SLC44A1: variants seen among roughly 807,000 people sequenced by gnomAD.
The protein encoded by SLC44A1 is choline transporter-like protein 1.
SLC44A1 carries 26 observed loss-of-function variants against 79.3 expected under a neutral mutation model. The observed-to-expected ratio is 0.33, with a 90% CI of 0.24 to 0.46. The LOEUF (loss-of-function observed/expected upper bound fraction) is 0.46. Ranked by LOEUF, SLC44A1 falls within the 20% of genes least tolerant of loss-of-function variation. The pLI, the probability that SLC44A1 is intolerant of heterozygous loss-of-function variation, is 1.00. For missense variants in SLC44A1, 688 were observed against 798.1 expected (o/e 0.86, Z 1.66); for synonymous variants, 263 against 286.2 (o/e 0.92, Z 0.82).
At chr9:105,419,693 T>A (rs1829218391) in intron 15 of SLC44A1, among the ~76,000 whole-genome samples, 1 of 152,118 alleles carries the variant, frequency 6.6e-6, no homozygotes, top group East Asian at 1.9e-4. Context: ...GGTGGGTGGA[T>A]CACCTGAGGT....
intron 1 of SLC44A1, among the ~76,000 whole-genome samples, chr9:105,281,638 C>G (rs1259690403): frequency 6.6e-6 from 1 of 152,088 alleles, no homozygotes; most frequent in South Asian, 2.1e-4. Context: ...TGACATAGGG[C>G]TTCCATCAGG....
chr9:105,414,438 C>T (rs1176199398), intron 15 of SLC44A1, among the ~76,000 whole-genome samples: 1 of 152,184 alleles, frequency 6.6e-6, no homozygotes, highest in Non-Finnish European at 1.5e-5. Context: ...TCCCTCAGCA[C>T]CCCCTGGGTA....
At chr9:105,270,493 C>T (rs555878522) in intron 1 of SLC44A1, among the ~76,000 whole-genome samples, 26 of 152,280 alleles carry the variant, frequency 1.7e-4, no homozygotes, top group African/African-American at 6.3e-4. Context: ...TACTCTGGCT[C>T]TGCCTCCCTC....
chr9:105,429,615 C>T (rs1384600726), intron 15 of SLC44A1, among the ~76,000 whole-genome samples: 1 of 152,056 alleles, frequency 6.6e-6, no homozygotes, highest in Non-Finnish European at 1.5e-5. Flanking sequence ...TCTGTATTAC[C>T]TTAATTTTTG....
At position 105,386,262 on chromosome 9, in the gene SLC44A1, A is replaced by G. The variant is rs182289358; in HGVS notation, c.1950+760A>G. The G allele has an allele frequency of 3.1e-6, 3 of 974,082 alleles. No individual in the cohort carries two copies. The Admixed American group carries it at 1.8e-4, about 60-fold the overall frequency. 60.3% of individuals were successfully genotyped at this position (974,082 alleles called of 1,614,324 possible). On this transcript the variant is annotated intron_variant, in intron 15 of 15. Coordinates refer to ENST00000374720, the MANE Select transcript of SLC44A1 (RefSeq NM_080546.5). ...CTTTTCACATGGATATTGTCACTAT[A>G]GCATAGAAACAGATGCCTCTATCAT...
chr9:105,401,286 T>A (rs980266609), downstream of SLC44A1, among the ~76,000 whole-genome samples: 1 of 152,114 alleles, frequency 6.6e-6, no homozygotes, highest in Non-Finnish European at 1.5e-5. Flanking sequence ...CAGGAAAAAA[T>A]TATATTAAAC....
At chr9:105,362,072 G>A (rs1023789364) in intron 8 of SLC44A1, among the ~76,000 whole-genome samples, 41 of 151,676 alleles carry the variant, frequency 2.7e-4, no homozygotes, top group African/African-American at 9.0e-4. Flanking sequence ...GCGCGCGCGC[G>A]CGTGTGTGTG....
chr9:105,350,537 A>G (rs1359112587), intron 5 of SLC44A1, among the ~76,000 whole-genome samples: 5 of 152,108 alleles, frequency 3.3e-5, no homozygotes, highest in Non-Finnish European at 7.4e-5. Context: ...GCAGGCAAGT[A>G]CCCCTCAGCA....
chr9:105,290,282 T>C (rs1234141754), intron 1 of SLC44A1, among the ~76,000 whole-genome samples: 3 of 151,970 alleles, frequency 2.0e-5, no homozygotes, highest in African/African-American at 7.3e-5. Flanking sequence ...AGATGGGAGG[T>C]GCGAAGTAGA....
At chr9:105,430,000 C>G (rs914410129) in intron 15 of SLC44A1, among the ~76,000 whole-genome samples, 5 of 152,152 alleles carry the variant, frequency 3.3e-5, no homozygotes, top group South Asian at 2.1e-4. Flanking sequence ...CAGGCTCCTC[C>G]TGCCTCAGTG....
At chr9:105,247,623 G>T (rs867505096) in intron 1 of SLC44A1, among the ~76,000 whole-genome samples, 2 of 152,142 alleles carry the variant, frequency 1.3e-5, no homozygotes, top group Admixed American at 6.5e-5. Flanking sequence ...TTTTCACTCA[G>T]AATATGTTTG....
intron 1 of SLC44A1, among the ~76,000 whole-genome samples, chr9:105,262,517 C>T (rs572295857): frequency 6.6e-6 from 1 of 152,322 alleles, no homozygotes; most frequent in Admixed American, 6.5e-5. Flanking sequence ...AGAGCAGATT[C>T]TAGAAATTTT....
intron 1 of SLC44A1, among the ~76,000 whole-genome samples, chr9:105,294,256 C>G (rs1444516101): frequency 6.6e-6 from 1 of 152,104 alleles, no homozygotes; most frequent in Non-Finnish European, 1.5e-5. Context: ...TCATTTTAGC[C>G]ATTTTTGGAA....
chr9:105,315,353 T>C (rs77205157), intron 3 of SLC44A1, among the ~76,000 whole-genome samples: 3,114 of 152,032 alleles, frequency 0.02, 99 homozygotes, highest in African/African-American at 0.07. Flanking sequence ...AGGGTTTTTT[T>C]AAGTAAGATA....
rs1205257801 is a variant in SLC44A1, at chr9:105,362,986, C to T, written c.1066C>T (p.Leu356Phe). The change falls in exon 9 of 16, where the codon CTT (leucine) becomes TTT (phenylalanine). Residue 356 changes from leucine (L) to phenylalanine (F), a missense_variant. Transcript: ENST00000374720. ...VLFWVYWIMT[L>F]LFLGTTGSPV... is the part of the protein sequence containing the mutation. ...GTTTTGGGTGTACTGGATCATGACA[C>T]TTCTTTTTCTTGGCACTACCGGTAA... 3.1e-6 allele frequency: 5 copies of T among 1,607,452 alleles called. No individual in the cohort carries two copies. In the African/African-American group the frequency reaches 4.0e-5, roughly 13 times the overall value.
chr9:105,301,359 C>CCCACTGTGT, intron 2 of SLC44A1, among the ~76,000 whole-genome samples: 1 of 152,290 alleles, frequency 6.6e-6, no homozygotes, highest in Non-Finnish European at 1.5e-5. Flanking sequence ...GTAATTAAGA[C>CCCACTGTGT]CCACTGTGTG....
chr9:105,388,919 A>C, intron 15 of SLC44A1, 114 bp from the exon 16 acceptor site: 1 of 764,964 alleles, frequency 1.3e-6, no homozygotes, highest in South Asian at 1.5e-5. Flanking sequence ...AAGGATTCTC[A>C]GTCCATTTTG....
intron 13 of SLC44A1, among the ~76,000 whole-genome samples, chr9:105,377,431 G>A (rs1828323921): frequency 6.6e-6 from 1 of 151,990 alleles, no homozygotes; most frequent in African/African-American, 2.4e-5. Context: ...TCTCTATATT[G>A]AGTATGCATT....
intron 13 of SLC44A1, among the ~76,000 whole-genome samples, chr9:105,379,808 AC>A (rs1465855135): frequency 1.3e-5 from 2 of 152,018 alleles, no homozygotes; most frequent in Non-Finnish European, 2.9e-5. Flanking sequence ...CTATCCCAAA[AC>A]CCCTCAATCT....
Sources: gnomAD v4.1 joint callset for allele counts (sites outside exome capture counted in the v4.1 genomes callset) on GRCh38, gnomAD v4.1.1 for gene constraint, MANE v1.5 for transcripts, NCBI Gene and HGNC (gene_info 2026-07-23, HGNC 2026-07-21) for gene names.